PRKN: variants seen among roughly 807,000 people sequenced by gnomAD.
The protein encoded by PRKN is E3 ubiquitin-protein ligase parkin.
Under a neutral mutation model 59.5 loss-of-function variants are expected in PRKN, and 56 were observed. The observed-to-expected ratio is 0.94, with a 90% confidence interval of 0.76 to 1.18. The LOEUF (loss-of-function observed/expected upper bound fraction) is 1.18. Among genes scored for constraint, PRKN ranks in the 50% most tolerant of loss-of-function variants. PRKN has a pLI of 0.00. For synonymous variants in PRKN, 250 were observed against 222.1 expected (o/e 1.13, Z -1.12); for missense variants, 657 against 596.4 (o/e 1.10, Z -1.06).
chr6:161,776,994 A>G (rs181644322), intron 7 of PRKN, among the ~76,000 whole-genome samples: 74 of 152,318 alleles, frequency 4.9e-4, no homozygotes, highest in African/African-American at 1.8e-3. Flanking sequence ...TGATAGTTTA[A>G]CTGTTGAGGC....
intron 4 of PRKN, among the ~76,000 whole-genome samples, chr6:162,186,693 C>T (rs1784047479): frequency 6.6e-6 from 1 of 152,202 alleles, no homozygotes; most frequent in African/African-American, 2.4e-5. Context: ...TTAGCGCCAT[C>T]CCTCTGGTGC....
intron 3 of PRKN, among the ~76,000 whole-genome samples, chr6:162,203,055 T>G (rs2128331260): frequency 6.6e-6 from 1 of 152,248 alleles, no homozygotes; most frequent in African/African-American, 2.4e-5. Context: ...CTAGCATTGT[T>G]GAAAGAGCAT....
chr6:162,493,423 A>C (rs966994258), intron 1 of PRKN, among the ~76,000 whole-genome samples: 4 of 152,188 alleles, frequency 2.6e-5, no homozygotes, highest in Non-Finnish European at 4.4e-5. Flanking sequence ...CAATGAGCCA[A>C]GGACACTCAG....
At chr6:161,531,777 A>G (rs1202816325) in intron 9 of PRKN, among the ~76,000 whole-genome samples, 1 of 152,212 alleles carries the variant, frequency 6.6e-6, no homozygotes, top group Non-Finnish European at 1.5e-5. Context: ...TGTAAACCTG[A>G]ATATCAGACA....
At chr6:161,679,261 T>C (rs1008597113) in intron 7 of PRKN, among the ~76,000 whole-genome samples, 6 of 152,194 alleles carry the variant, frequency 3.9e-5, no homozygotes, top group South Asian at 4.1e-4. Flanking sequence ...ACTGCAGAGA[T>C]ACAGTGTTTT....
At chr6:161,628,138 T>C (rs1562568185) in intron 7 of PRKN, among the ~76,000 whole-genome samples, 1 of 152,202 alleles carries the variant, frequency 6.6e-6, no homozygotes. Context: ...ATAGAAAAAC[T>C]AGATTAAAAA....
intron 8 of PRKN, 87 bp downstream of exon 8, chr6:161,569,268 T>C (rs917715814): frequency 5.1e-6 from 6 of 1,174,838 alleles, no homozygotes; most frequent in South Asian, 1.2e-5. Flanking sequence ...TCAGGAGACA[T>C]ACTCGGCCTC....
At chr6:162,216,423 C>A (rs191395578) in intron 3 of PRKN, among the ~76,000 whole-genome samples, 7 of 148,606 alleles carry the variant, frequency 4.7e-5, no homozygotes, top group African/African-American at 7.4e-5. Context: ...CCAGCTACTC[C>A]GGAGGCTGAG....
At chr6:162,228,924 C>G (rs1020879416) in intron 3 of PRKN, among the ~76,000 whole-genome samples, 1 of 152,122 alleles carries the variant, frequency 6.6e-6, no homozygotes, top group African/African-American at 2.4e-5. Flanking sequence ...CATGCACCAC[C>G]AGTAGCTGCT....
At chr6:162,670,586 C>T (rs930732125) in intron 1 of PRKN, among the ~76,000 whole-genome samples, 3 of 152,136 alleles carry the variant, frequency 2.0e-5, no homozygotes, top group African/African-American at 4.8e-5. Flanking sequence ...TCAGCAAAGC[C>T]ACACAAAGAG....
chr6:161,490,247 C>T (rs1336684613), intron 9 of PRKN, among the ~76,000 whole-genome samples: 1 of 152,156 alleles, frequency 6.6e-6, no homozygotes, highest in Admixed American at 6.5e-5. Context: ...TCGCTCCCAG[C>T]ACAAAAGTGC....
chr6:161,711,332 C>T (rs1484306541), intron 7 of PRKN, among the ~76,000 whole-genome samples: 1 of 152,116 alleles, frequency 6.6e-6, no homozygotes, highest in East Asian at 1.9e-4. Context: ...AGTAAAAATA[C>T]ACACTGATGC....
intron 4 of PRKN, among the ~76,000 whole-genome samples, chr6:162,122,566 A>G (rs1354727172): frequency 6.6e-6 from 1 of 152,182 alleles, no homozygotes; most frequent in African/African-American, 2.4e-5. Flanking sequence ...CTGCAAAGGA[A>G]GTATGGCAAT....
chr6:161,976,696 A>T (rs2128252927), intron 5 of PRKN, among the ~76,000 whole-genome samples: 1 of 152,346 alleles, frequency 6.6e-6, no homozygotes, highest in East Asian at 1.9e-4. Flanking sequence ...AAATACGCTG[A>T]GCTAGCTACG....
intron 4 of PRKN, among the ~76,000 whole-genome samples, chr6:162,175,263 G>GT (rs1191414271): frequency 6.6e-6 from 1 of 152,130 alleles, no homozygotes; most frequent in African/African-American, 2.4e-5. Flanking sequence ...CTTGAATCAC[G>GT]TAACTTTTTA....
At chr6:161,885,135 T>TA (rs66612910) in intron 6 of PRKN, among the ~76,000 whole-genome samples, 9,113 of 121,742 alleles carry the variant, frequency 0.075, 917 homozygotes, top group African/African-American at 0.25. Flanking sequence ...GAAGAAAAAC[T>TA]AAAAAAAAAA....
At chr6:162,669,746 A>G (rs35092540) in intron 1 of PRKN, among the ~76,000 whole-genome samples, 13,026 of 152,256 alleles carry the variant, frequency 0.086, 700 homozygotes, top group Middle Eastern at 0.18. Flanking sequence ...TTTGGCCCTC[A>G]GTTGGCACTA....
At chr6:162,681,298 T>C (rs1260863160) in intron 1 of PRKN, among the ~76,000 whole-genome samples, 3 of 152,116 alleles carry the variant, frequency 2.0e-5, no homozygotes, top group African/African-American at 7.2e-5. Context: ...AAATCAAATA[T>C]GACAGAAATT....
At chr6:162,212,784 C>T (rs1785262781) in intron 3 of PRKN, among the ~76,000 whole-genome samples, 1 of 152,166 alleles carries the variant, frequency 6.6e-6, no homozygotes. Flanking sequence ...CAGCCTATTG[C>T]TCCTAGGCTA....
Sources: allele counts gnomAD v4.1 joint callset (sites outside exome capture counted in the v4.1 genomes callset), GRCh38; gene constraint gnomAD v4.1.1; transcripts MANE v1.5; gene names NCBI Gene and HGNC (gene_info 2026-07-23, HGNC 2026-07-21).